Variants in PUS7 observed in about 807,000 individuals in gnomAD.
PUS7 encodes pseudouridine synthase 7, also known as pseudouridylate synthase 7 homolog.
In PUS7, 48 loss-of-function variants were observed where a neutral mutation model predicts 79.8. That is an observed-to-expected ratio of 0.60 (90% confidence interval 0.48 to 0.76). The LOEUF (loss-of-function observed/expected upper bound fraction) is 0.76. PUS7 is among the 30% of genes least tolerant of loss of function. The probability of loss-of-function intolerance (pLI) is 0.00; values close to 1 mark genes in which losing one functional copy is unlikely to be tolerated. For missense variants in PUS7, 729 were observed against 797.6 expected (o/e 0.91, Z 1.04); for synonymous variants, 286 against 272.2 (o/e 1.05, Z -0.50).
intron 8 of PUS7, among the ~76,000 whole-genome samples, chr7:105,481,557 C>T (rs912597637): frequency 1.1e-4 from 16 of 152,190 alleles, no homozygotes; most frequent in African/African-American, 3.4e-4. Context: ...GTTGGACAAT[C>T]CTCACCACTA....
At chr7:105,462,441 C>T (rs1277499472) in intron 14 of PUS7, 180 bp downstream of exon 14, 1 of 575,580 alleles carries the variant, frequency 1.7e-6, no homozygotes, top group Non-Finnish European at 2.7e-6. Flanking sequence ...AAAAAAAAAC[C>T]AAAAAAAAAA....
chr7:105,508,245 A>C lies in PUS7; in HGVS notation c.268T>G (p.Ser90Ala). ...GATTCCTCCTCCTCGCACTCCTCTG[A>C]AAGTCCATCTTCCTCCTCTTCTTCC... ...DEEEEEEDGL[S>A]EECEEEESES... is the part of the protein sequence containing the mutation. Residue 90 changes from serine (S) to alanine (A), a missense_variant, in exon 2 of 16, where the codon TCA becomes GCA. Transcript: ENST00000469408. The C allele has an allele frequency of 6.2e-7, 1 of 1,614,110 alleles. No individual in the cohort carries two copies. The highest frequency in any genetic ancestry group is 8.5e-7 in the Non-Finnish European group (1 of 1,180,006).
intron 11 of PUS7, among the ~76,000 whole-genome samples, chr7:105,469,905 G>A (rs1027606080): frequency 1.3e-5 from 2 of 152,184 alleles, no homozygotes; most frequent in Non-Finnish European, 2.9e-5. Flanking sequence ...AATGTTTTAG[G>A]AAAAGTTTAC....
chr7:105,489,079 C>T (rs1248815453), intron 7 of PUS7, among the ~76,000 whole-genome samples: 5 of 132,230 alleles, frequency 3.8e-5, no homozygotes, highest in Admixed American at 8.7e-5. Flanking sequence ...ACCCAGGAGG[C>T]GGAGCTTGCA....
intron 7 of PUS7, among the ~76,000 whole-genome samples, chr7:105,486,661 C>T (rs1824561814): frequency 6.6e-6 from 1 of 152,154 alleles, no homozygotes. Context: ...GGGTCAGGAG[C>T]TGTCCTAGAG....
At position 105,457,709 on chromosome 7, in the gene PUS7, G is replaced by A; in HGVS notation, c.*81C>T. 7.1e-7 allele frequency: 1 copy of A among 1,406,226 alleles called. No homozygotes were observed. The highest frequency in any genetic ancestry group is 9.8e-7 in the Non-Finnish European group (1 of 1,023,714). 87.1% of individuals were successfully genotyped at this position (1,406,226 alleles called of 1,614,324 possible). A position where few individuals can be genotyped will look rare whatever the true frequency, so the allele number is the denominator to read the frequency against. On this transcript the variant is annotated 3_prime_UTR_variant, in exon 16 of 16. Coordinates refer to ENST00000469408, the MANE Select transcript of PUS7 (RefSeq NM_019042.5). ...ACAAAGATTTGAAATCCATATATGAGTCTGAACTAAGACAAAAATGCACAG... is the reference window on the plus strand; with the variant it reads ...ACAAAGATTTGAAATCCATATATGAATCTGAACTAAGACAAAAATGCACAG...
rs144060501 is a variant in PUS7, at chr7:105,508,190, C to G, written c.323G>C (p.Gly108Ala). 1.2e-6 allele frequency: 2 copies of G among 1,614,128 alleles called. No individual in the cohort carries two copies. Among genetic ancestry groups the G allele is most frequent in the Non-Finnish European group, 1.7e-6 (2 of 1,180,016 alleles). Reference protein sequence around the residue: ...SESFADMMKHGLTEADVGITK... With the variant: ...SESFADMMKHALTEADVGITK... Reference sequence around the variant, plus strand: ...GATGCCTACGTCAGCCTCAGTGAGTCCATGCTTCATCATGTCTGCAAAACT... The same window carrying G: ...GATGCCTACGTCAGCCTCAGTGAGTGCATGCTTCATCATGTCTGCAAAACT... Residue 108 changes from glycine to alanine, a missense_variant, in exon 2 of 16, where the codon GGA (glycine) becomes GCA (alanine). Transcript: ENST00000469408.
intron 6 of PUS7, among the ~76,000 whole-genome samples, chr7:105,494,164 G>A (rs940927022): frequency 1.3e-5 from 2 of 152,144 alleles, no homozygotes; most frequent in African/African-American, 2.4e-5. Flanking sequence ...CTGCAACCAC[G>A]TCAAAGGATA....
At chr7:105,501,969 A>AATATAT (rs4006346) in intron 5 of PUS7, among the ~76,000 whole-genome samples, 1 of 73,714 alleles carries the variant, frequency 1.4e-5, no homozygotes, top group Non-Finnish European at 2.9e-5. Context: ...AAAAAAAAAA[A>AATATAT]ATATATATAT....
chr7:105,462,561 A>G, intron 14 of PUS7, 60 bp downstream of exon 14: 1 of 1,588,614 alleles, frequency 6.3e-7, no homozygotes, highest in Non-Finnish European at 8.6e-7. Flanking sequence ...TATAAAGTGA[A>G]GCAAAAGCTT....
chr7:105,512,064 G>C (rs11761601), intron 1 of PUS7, among the ~76,000 whole-genome samples: 5,276 of 147,118 alleles, frequency 0.036, 148 homozygotes, highest in Non-Finnish European at 0.061. Context: ...AGAATCGCTT[G>C]AACCTGGGAG....
intron 15 of PUS7, among the ~76,000 whole-genome samples, chr7:105,458,306 A>C (rs1823271389): frequency 6.6e-6 from 1 of 152,066 alleles, no homozygotes; most frequent in Non-Finnish European, 1.5e-5. Flanking sequence ...TGTTGCCCAG[A>C]CTGGAGTGCA....
In PUS7 at chr7:105,489,147, C is replaced by CAAAA. The variant is rs762504334; in HGVS notation, c.920+2389_920+2392dup. Among the ~76,000 whole-genome samples the CAAAA allele has an allele frequency of 9.1e-3, 269 of 29,572 alleles. 1 individual carries two copies. The highest frequency in any genetic ancestry group is 0.013 in the Non-Finnish European group (164 of 12,240). The allele number at this position is 29,572 out of a possible 152,430, so 19.4% of individuals were successfully genotyped here. ...TGGGCAACAGAGCGAAACTCCATCT[C>CAAAA]AAAAAAAAAAAAAAAAAAAAAGAAA... On this transcript the variant is annotated intron_variant, in intron 7 of 15. Transcript: ENST00000469408.
chr7:105,499,133 A>G (rs906427015), intron 5 of PUS7, among the ~76,000 whole-genome samples: 5 of 152,216 alleles, frequency 3.3e-5, no homozygotes, highest in Admixed American at 2.6e-4. Context: ...CTCCGGTGAA[A>G]AGACACCAAC....
At position 105,462,755 on chromosome 7, in the gene PUS7, T is replaced by C. The variant is rs1411594270; in HGVS notation, c.1628-5A>G. ...TTTCCCTGTAGGCTTCTTGAACTAATATAAAATACAAAAAGTTAGTTGAAA... is the reference window on the plus strand; with the variant it reads ...TTTCCCTGTAGGCTTCTTGAACTAACATAAAATACAAAAAGTTAGTTGAAA... On this transcript the variant is annotated splice_polypyrimidine_tract_variant and splice_region_variant and intron_variant, in intron 13 of 15. Coordinates refer to ENST00000469408, the MANE Select transcript of PUS7 (RefSeq NM_019042.5). The C allele has an allele frequency of 6.2e-7, 1 of 1,604,882 alleles. No homozygotes were observed. Among genetic ancestry groups the C allele is most frequent in the Admixed American group, 1.7e-5 (1 of 58,058 alleles).
rs1367726696 is a variant in PUS7, at chr7:105,457,909, G to A, written c.1867C>T (p.Leu623=). ...GGGGGTAGAGAAAAATCCATTTTCA[G>A]AGCCCTGTATTTGCCTTCTGCAAGG... ...VFASEGKYRA[L]KMDFSLPPST... The change falls in exon 16 of 16, where the codon CTG becomes TTG. Residue 623 remains leucine (L), a synonymous_variant. Coordinates refer to ENST00000469408, the MANE Select transcript of PUS7 (RefSeq NM_019042.5). The A allele has an allele frequency of 6.2e-7, 1 of 1,613,808 alleles. No homozygotes were observed. The highest frequency in any genetic ancestry group is 8.5e-7 in the Non-Finnish European group (1 of 1,179,880).
At chr7:105,492,456 C>A (rs1478947794) in intron 6 of PUS7, among the ~76,000 whole-genome samples, 2 of 150,676 alleles carry the variant, frequency 1.3e-5, no homozygotes, top group Non-Finnish European at 2.9e-5. Context: ...TCCCAAGTAG[C>A]TGGGATTACA....
intron 6 of PUS7, among the ~76,000 whole-genome samples, chr7:105,492,645 A>G (rs970639191): frequency 6.7e-6 from 1 of 149,800 alleles, no homozygotes; most frequent in Non-Finnish European, 1.5e-5. Context: ...AGCTGGGACT[A>G]CAGGCGCCCG....
Position 105,506,060 on chromosome 7 carries a change from T to C in PUS7, c.484-4A>G. On this transcript the variant is annotated splice_region_variant and splice_polypyrimidine_tract_variant and intron_variant, in intron 3 of 15. Coordinates refer to ENST00000469408, the MANE Select transcript of PUS7 (RefSeq NM_019042.5). ...TAAATATGTCTTCTGAAGGGTCCTT[T>C]AAAATAACCATGAGAACTCACAATG... 2 of 1,609,942 alleles carry C rather than the reference T, an allele frequency of 1.2e-6. No individual in the cohort carries two copies. The highest frequency in any genetic ancestry group is 1.3e-5 in the African/African-American group (1 of 74,824).
Sources: allele counts gnomAD v4.1 joint callset (sites outside exome capture counted in the v4.1 genomes callset), GRCh38; gene constraint gnomAD v4.1.1; transcripts MANE v1.5; gene names NCBI Gene and HGNC (gene_info 2026-07-23, HGNC 2026-07-21).